The following TRIM25 variants were observed in gnomAD, a reference collection of about 807,000 sequenced individuals.
TRIM25 encodes the protein E3 ubiquitin/ISG15 ligase TRIM25.
A neutral mutation model predicts 65.2 loss-of-function variants in TRIM25; 45 were observed. The ratio of observed to expected loss-of-function variants is 0.69; its 90% CI spans 0.54 to 0.89. The LOEUF (loss-of-function observed/expected upper bound fraction) is 0.89. Among genes scored for constraint, TRIM25 ranks in the 40% least tolerant of loss-of-function variants. The pLI, the probability that TRIM25 is intolerant of heterozygous loss-of-function variation, is 0.00. For missense variants in TRIM25, 714 were observed against 803.7 expected (o/e 0.89, Z 1.35); for synonymous variants, 321 against 340.4 (o/e 0.94, Z 0.63).
intron 4 of TRIM25, among the ~76,000 whole-genome samples, chr17:56,900,348 T>C (rs1452282430): frequency 6.6e-6 from 1 of 152,186 alleles, no homozygotes; most frequent in African/African-American, 2.4e-5. Flanking sequence ...AATCACGCCA[T>C]TGCATTCCGG....
At position 56,890,196 on chromosome 17, in the gene TRIM25, T is replaced by G; in HGVS notation, c.*1504A>C. ...GCTCTCCTCTAAGCAAAGCCCAGAG[T>G]TGGACTCATTTCACTATAAGAGGCT... is the stretch of plus-strand genomic sequence containing the variant. On this transcript the variant is annotated 3_prime_UTR_variant, in exon 9 of 9. Transcript: ENST00000316881. 3.6e-6 allele frequency: 1 copy of G among 277,744 alleles called. No individual in the cohort carries two copies. Among genetic ancestry groups the G allele is most frequent in the Non-Finnish European group, 6.9e-6 (1 of 145,578 alleles). 17.2% of individuals were successfully genotyped at this position (277,744 alleles called of 1,614,324 possible). A position where few individuals can be genotyped will look rare whatever the true frequency, so the allele number is the denominator to read the frequency against.
rs1019957717 is a variant in TRIM25, at chr17:56,904,325, CTCT to C, written c.854_856del (p.Lys285del). 1.9e-6 allele frequency: 3 copies of C among 1,614,120 alleles called. No individual in the cohort carries two copies. Among genetic ancestry groups the C allele is most frequent in the Non-Finnish European group, 2.5e-6 (3 of 1,180,036 alleles). On this transcript the variant is annotated inframe_deletion, in exon 3 of 9. Coordinates refer to ENST00000316881, the MANE Select transcript of TRIM25 (RefSeq NM_005082.5). ...CTCCTCCTTCAAGGTCTGGATCTCA[CTCT>C]TCTTCTTGAGGAGAATCTGATAAAT...
chr17:56,912,440 G>A (rs1214279186), intron 1 of TRIM25, among the ~76,000 whole-genome samples: 2 of 152,184 alleles, frequency 1.3e-5, no homozygotes, highest in Non-Finnish European at 2.9e-5. Flanking sequence ...GGCTCTCCCT[G>A]TGGCTCTGAT....
At chr17:56,892,306 AT>A in intron 8 of TRIM25, 77 bp from the exon 9 acceptor site, 1 of 1,478,030 alleles carries the variant, frequency 6.8e-7, no homozygotes, top group Non-Finnish European at 9.0e-7. Context: ...AAGTGGTACT[AT>A]TTATTCACTA....
At position 56,895,391 on chromosome 17, in the gene TRIM25, T is replaced by C. The variant is rs755264293; in HGVS notation, c.1315A>G (p.Lys439Glu). ...TTGGCCAGGAAGGTCTCCAGCACCT[T>C]GGCCTTGAGAGATGTTGAGTTCGGA... ...SHPNSTSLKA[K>E]VLETFLAKSR... Residue 439 changes from lysine (K) to glutamate (E), a missense_variant, in exon 8 of 9, where the codon AAG (lysine) becomes GAG (glutamate). Transcript: ENST00000316881. The C allele has an allele frequency of 4.3e-6, 7 of 1,614,108 alleles. No individual in the cohort carries two copies. The South Asian group carries it at 4.4e-5, about 10-fold the overall frequency.
chr17:56,904,150 A>G, intron 3 of TRIM25, 105 bp downstream of exon 3: 3 of 942,078 alleles, frequency 3.2e-6, no homozygotes, highest in Middle Eastern at 2.2e-4. Flanking sequence ...GGATGCTTCC[A>G]GTGACCTCTT....
intron 5 of TRIM25, chr17:56,898,901 T>C: frequency 1.8e-6 from 1 of 563,412 alleles, no homozygotes; most frequent in Non-Finnish European, 3.2e-6. Flanking sequence ...CTCAGGCATC[T>C]TGCTGTTCCA....
chr17:56,911,578 CAAA>C (rs34726749), intron 1 of TRIM25, among the ~76,000 whole-genome samples: 1 of 137,062 alleles, frequency 7.3e-6, no homozygotes. Flanking sequence ...GACTCCAACT[CAAA>C]AAAAAAAAAA....
rs375377120 is a variant in TRIM25 at position 56,901,474 on chromosome 17, G to T, written c.1032C>A (p.Leu344=). 3 of 1,614,172 alleles carry T rather than the reference G, an allele frequency of 1.9e-6. No individual in the cohort carries two copies. Among genetic ancestry groups the T allele is most frequent in the Non-Finnish European group, 2.5e-6 (3 of 1,180,026 alleles). Residue 344 remains leucine (L), a synonymous_variant, in exon 4 of 9, where the codon CTC becomes CTA. Transcript: ENST00000316881. ...CGATGCACTGCTTCAGCTCGTTTTT[G>T]AGGTCTATGGTGCTCTGGTGGATGC... ...IKGIHQSTID[L]KNELKQCIGR... is the part of the protein sequence containing the mutation.
At chr17:56,904,203 C>T in intron 3 of TRIM25, 52 bp downstream of exon 3, 7 of 1,465,392 alleles carry the variant, frequency 4.8e-6, no homozygotes, top group Non-Finnish European at 6.6e-6. Flanking sequence ...AACAGCATGA[C>T]ATCAGGCAAA....
At chr17:56,898,534 A>C (rs1909345448) in intron 5 of TRIM25, among the ~76,000 whole-genome samples, 2 of 152,162 alleles carry the variant, frequency 1.3e-5, no homozygotes, top group Admixed American at 6.5e-5. Flanking sequence ...GAGGGCAAAA[A>C]TGGATCCTTG....
At chr17:56,892,325 C>G (rs746711414) in intron 8 of TRIM25, 96 bp from the exon 9 acceptor site, 2 of 1,383,514 alleles carry the variant, frequency 1.4e-6, no homozygotes, top group Non-Finnish European at 2.0e-6. Context: ...CTAGTTTTAT[C>G]CATCCATGCA....
In TRIM25 at chr17:56,901,416, C is replaced by G; in HGVS notation, c.1087+3G>C. On this transcript the variant is annotated splice_donor_region_variant and intron_variant, in intron 4 of 8. Transcript: ENST00000316881. ...GGGCAGCATAGGGGGCTGCTAAGGT[C>G]ACCTGAACTGGGGGTGGGCTCCTGG... is the stretch of plus-strand genomic sequence containing the variant. 6.2e-7 allele frequency: 1 copy of G among 1,613,556 alleles called. No homozygotes were observed.
chr17:56,912,987 G>C (rs762810847), intron 1 of TRIM25: 92 of 158,534 alleles, frequency 5.8e-4, no homozygotes, highest in Non-Finnish European at 1.1e-3. Context: ...AAAAATTAGC[G>C]AGCCTGTGGT....
In TRIM25 at chr17:56,913,369, G is replaced by C; in HGVS notation, c.597+23C>G. On this transcript the variant is annotated intron_variant, in intron 1 of 8. Transcript: ENST00000316881. This position sits in a 1 kb window ranked among gnomAD's most constrained non-coding sequence, Gnocchi z 6.1. ...CACCCATCAGGCCAGGCTGCCCTCTGCACCCAGCAGGCCGTTCCCTACCTC... is the reference window on the plus strand; with the variant it reads ...CACCCATCAGGCCAGGCTGCCCTCTCCACCCAGCAGGCCGTTCCCTACCTC... 1.3e-6 allele frequency: 2 copies of C among 1,538,422 alleles called. No individual in the cohort carries two copies. The highest frequency in any genetic ancestry group is 1.8e-6 in the Non-Finnish European group (2 of 1,138,346).
chr17:56,889,567 T>A lies in TRIM25; in HGVS notation c.*2133A>T, dbSNP rs1400490526. 5.1e-6 allele frequency: 2 copies of A among 393,588 alleles called. No individual in the cohort carries two copies. Among genetic ancestry groups the A allele is most frequent in the Non-Finnish European group, 8.9e-6 (2 of 223,610 alleles). 24.4% of individuals were successfully genotyped at this position (393,588 alleles called of 1,614,324 possible). On this transcript the variant is annotated 3_prime_UTR_variant, in exon 9 of 9. Coordinates refer to ENST00000316881, the MANE Select transcript of TRIM25 (RefSeq NM_005082.5). ...CCTCAATTTACAACTCCAAAGCACC[T>A]TGCACAGAGCTTGGCTTTGGTTACC...
Position 56,913,872 on chromosome 17 carries a change from C to A in TRIM25, c.117G>T (p.Glu39Asp). Residue 39 changes from glutamate to aspartate, a missense_variant, in exon 1 of 9, where the codon GAG (glutamate) becomes GAT (aspartate). Physicochemically the swap from Glu to Asp is conservative, Grantham distance 45. This residue lies in a region of TRIM25 where 291 missense variants were observed against 281.8 expected (regional missense o/e 1.03). Coordinates refer to ENST00000316881, the MANE Select transcript of TRIM25 (RefSeq NM_005082.5). This position sits in a 1 kb window ranked among gnomAD's most constrained non-coding sequence, Gnocchi z 6.1. ...ATGGCGAGCCCTGGACTGCCCACGT[C>A]TCATTCAGGCACGACCCGCAGAAGT... ...GHNFCGSCLN[E>D]TWAVQGSPYL... is the part of the protein sequence containing the mutation. 6.4e-7 allele frequency: 1 copy of A among 1,561,500 alleles called. No individual in the cohort carries two copies. Among genetic ancestry groups the A allele is most frequent in the Non-Finnish European group, 8.7e-7 (1 of 1,153,278 alleles).
chr17:56,902,088 A>C (rs1909423578), intron 3 of TRIM25, among the ~76,000 whole-genome samples: 1 of 152,242 alleles, frequency 6.6e-6, no homozygotes, highest in Non-Finnish European at 1.5e-5. Context: ...AGGGTTGTAC[A>C]GTATCAAGAA....
chr17:56,891,579 C>CA lies in TRIM25; in HGVS notation c.*120_*121insT. 1.8e-6 allele frequency: 2 copies of CA among 1,118,536 alleles called. No individual in the cohort carries two copies. Among genetic ancestry groups the CA allele is most frequent in the Non-Finnish European group, 2.5e-6 (2 of 799,760 alleles). 69.3% of individuals were successfully genotyped at this position (1,118,536 alleles called of 1,614,324 possible). ...ACCTCCCACCCTCCCGCCAGCTCCC[C>CA]TCCCATGCTCCCAATCCTTGGGACC... On this transcript the variant is annotated 3_prime_UTR_variant, in exon 9 of 9. Transcript: ENST00000316881.
Sources: allele counts gnomAD v4.1 joint callset (sites outside exome capture counted in the v4.1 genomes callset), GRCh38; gene constraint gnomAD v4.1.1; regional missense constraint gnomAD v4.1.1; non-coding constraint Gnocchi (gnomAD v3.1); transcripts MANE v1.5; gene names NCBI Gene and HGNC (gene_info 2026-07-23, HGNC 2026-07-21).